The following DSCAM variants were observed in gnomAD, a reference collection of about 807,000 sequenced individuals.
The protein encoded by DSCAM is cell adhesion molecule DSCAM.
Under a neutral mutation model 217.7 loss-of-function variants are expected in DSCAM, and 47 were observed. That is an observed-to-expected ratio of 0.22 (90% CI 0.17 to 0.28). The LOEUF (loss-of-function observed/expected upper bound fraction) is 0.28, where lower values mean the gene tolerates loss of function less well. DSCAM is among the 10% of genes least tolerant of loss of function. DSCAM has a pLI of 1.00. For missense variants in DSCAM, 2,080 were observed against 2,618.3 expected, an observed-to-expected ratio of 0.79 and a Z score of 4.49; for synonymous variants, 1,056 against 1,015.3, an observed-to-expected ratio of 1.04 and a Z score of -0.76.
chr21:40,314,590 C>T (rs1282511013), intron 8 of DSCAM, among the ~76,000 whole-genome samples: 1 of 152,138 alleles, frequency 6.6e-6, no homozygotes, highest in Admixed American at 6.5e-5. Flanking sequence ...GGCATAAATG[C>T]TCACTATATA....
In DSCAM at chr21:40,216,018, C is replaced by T. The variant is rs553381926; in HGVS notation, c.2357-26780G>A. ...GACCCAGTTATAAACATGCATTTCA[C>T]GCCAATATTTCTTCTTCAGAATAAG... On this transcript the variant is annotated intron_variant, in intron 11 of 32. Transcript: ENST00000400454. Among the ~76,000 whole-genome samples the T allele has an allele frequency of 4.6e-5, 7 of 151,642 alleles. No homozygotes were observed. The South Asian group carries it at 1.0e-3, about 23-fold the overall frequency.
chr21:40,146,676 A>T (rs1601382951), intron 16 of DSCAM, among the ~76,000 whole-genome samples: 1 of 152,182 alleles, frequency 6.6e-6, no homozygotes, highest in African/African-American at 2.4e-5. Context: ...TGGTGCCAGC[A>T]GGTGTCAGTG....
intron 3 of DSCAM, among the ~76,000 whole-genome samples, chr21:40,453,716 A>T (rs1009134608): frequency 1.3e-5 from 2 of 152,264 alleles, no homozygotes; most frequent in African/African-American, 4.8e-5. Context: ...ATAATATTCA[A>T]TTAAGAAACA....
chr21:40,290,673 C>T (rs769337579), intron 10 of DSCAM, among the ~76,000 whole-genome samples: 3 of 152,180 alleles, frequency 2.0e-5, no homozygotes, highest in Non-Finnish European at 2.9e-5. Context: ...CTCTTTGGTG[C>T]ACAGAACCAA....
Position 40,497,023 on chromosome 21 carries a change from C to T in DSCAM, c.509-127778G>A, listed in dbSNP as rs112228651. ...TGGTGAGGATGTGTATCAAAGAGAA[C>T]CCTAGTACTCTATTGGTGGAAATTT... On this transcript the variant is annotated intron_variant, in intron 3 of 32. Transcript: ENST00000400454. Among the ~76,000 whole-genome samples, 611 of 152,146 alleles carry T rather than the reference C, an allele frequency of 4.0e-3. 1 individual carries two copies. The highest frequency in any genetic ancestry group is 0.013 in the African/African-American group (550 of 41,528).
chr21:40,459,217 TTAAAC>T (rs1270126308), intron 3 of DSCAM, among the ~76,000 whole-genome samples: 5 of 152,034 alleles, frequency 3.3e-5, no homozygotes, highest in African/African-American at 9.7e-5. Context: ...AGATTGTTGA[TTAAAC>T]TAAGCAAGAA....
intron 3 of DSCAM, among the ~76,000 whole-genome samples, chr21:40,657,187 T>C (rs369521057): frequency 2.0e-5 from 3 of 152,292 alleles, no homozygotes; most frequent in South Asian, 4.2e-4. Flanking sequence ...TGGACCCTAA[T>C]GGGGTAGGTA....
intron 3 of DSCAM, among the ~76,000 whole-genome samples, chr21:40,554,659 T>C (rs1209999297): frequency 6.6e-6 from 1 of 152,346 alleles, no homozygotes; most frequent in African/African-American, 2.4e-5. Context: ...CTATGCTGTA[T>C]TGCACTAAAT....
rs537572783 is a variant in DSCAM, at chr21:40,365,623, A to G, written c.655+3476T>C. Among the ~76,000 whole-genome samples the G allele has an allele frequency of 1.9e-3, 290 of 152,164 alleles. 3 individuals carry two copies. The highest frequency in any genetic ancestry group is 6.9e-3 in the African/African-American group (286 of 41,516). Reference sequence around the variant, plus strand: ...ATACATATATAGAGACTAGACTCCAATTTTTACCTTCTAGACACTACTAAC... The same window carrying G: ...ATACATATATAGAGACTAGACTCCAGTTTTTACCTTCTAGACACTACTAAC... On this transcript the variant is annotated intron_variant, in intron 4 of 32. Coordinates refer to ENST00000400454, the MANE Select transcript of DSCAM (RefSeq NM_001389.5).
chr21:40,736,813 T>C (rs1286151205), intron 1 of DSCAM, among the ~76,000 whole-genome samples: 1 of 152,158 alleles, frequency 6.6e-6, no homozygotes, highest in Non-Finnish European at 1.5e-5. Context: ...AGCATAGGGT[T>C]TTTTTTGCAC....
chr21:40,171,761 T>C (rs1447112416), intron 15 of DSCAM, among the ~76,000 whole-genome samples: 1 of 152,130 alleles, frequency 6.6e-6, no homozygotes, highest in Non-Finnish European at 1.5e-5. Context: ...ATAAAAAATT[T>C]CCCTTCTTTA....
chr21:40,509,453 C>G (rs1306624319), intron 3 of DSCAM, among the ~76,000 whole-genome samples: 3 of 152,162 alleles, frequency 2.0e-5, no homozygotes, highest in African/African-American at 7.2e-5. Context: ...CTATTTTTCA[C>G]TGGGAGGAGG....
chr21:40,473,568 C>T (rs2075907652), intron 3 of DSCAM, among the ~76,000 whole-genome samples: 2 of 152,322 alleles, frequency 1.3e-5, no homozygotes, highest in South Asian at 2.1e-4. Flanking sequence ...TCAGGTAGAT[C>T]ATACAGGTTC....
chr21:40,508,750 TA>T (rs2076230114), intron 3 of DSCAM, among the ~76,000 whole-genome samples: 2 of 2,646 alleles, frequency 7.6e-4, no homozygotes, highest in African/African-American at 5.4e-3. Context: ...TATATATATA[TA>T]TATATATATA....
At chr21:40,210,751 G>A (rs758950751) in intron 11 of DSCAM, among the ~76,000 whole-genome samples, 8 of 152,116 alleles carry the variant, frequency 5.3e-5, no homozygotes, top group Non-Finnish European at 1.2e-4. Context: ...CACCATGTTG[G>A]CCAGGCTGGT....
In DSCAM at chr21:40,496,391, T is replaced by C. The variant is rs183304311; in HGVS notation, c.509-127146A>G. On this transcript the variant is annotated intron_variant, in intron 3 of 32. Coordinates refer to ENST00000400454, the MANE Select transcript of DSCAM (RefSeq NM_001389.5). ...AATCCACACATTTACAGTCAATAGA[T>C]TTTCAACAAAGGTGCCAGGAACACA... Among the ~76,000 whole-genome samples, 12 of 152,190 alleles carry C rather than the reference T, an allele frequency of 7.9e-5. 1 individual carries two copies. In the East Asian group the frequency reaches 2.1e-3, roughly 27 times the overall value.
At chr21:40,691,988 TGTG>T (rs2090543178) in intron 3 of DSCAM, among the ~76,000 whole-genome samples, 1 of 152,262 alleles carries the variant, frequency 6.6e-6, no homozygotes, top group Admixed American at 6.5e-5. Context: ...ACATGTGTGT[TGTG>T]CGTGTGTGCA....
At chr21:40,625,171 A>C (rs1232140755) in intron 3 of DSCAM, among the ~76,000 whole-genome samples, 1 of 152,186 alleles carries the variant, frequency 6.6e-6, no homozygotes, top group African/African-American at 2.4e-5. Flanking sequence ...AAAATGAGAG[A>C]TGTTGATGAA....
At chr21:40,622,220 G>A (rs908253786) in intron 3 of DSCAM, among the ~76,000 whole-genome samples, 2 of 151,868 alleles carry the variant, frequency 1.3e-5, no homozygotes, top group African/African-American at 4.8e-5. Context: ...TGAAGTCAAC[G>A]TACTTTCCTG....
Sources: allele counts gnomAD v4.1 joint callset (sites outside exome capture counted in the v4.1 genomes callset), GRCh38; gene constraint gnomAD v4.1.1; transcripts MANE v1.5; gene names NCBI Gene and HGNC (gene_info 2026-07-23, HGNC 2026-07-21).